PLXDC1: variants seen among roughly 807,000 people sequenced by gnomAD.
PLXDC1 encodes the protein plexin domain-containing protein 1.
PLXDC1 carries 39 observed loss-of-function variants against 61.3 expected under a neutral mutation model. The observed-to-expected ratio is 0.64, with a 90% CI of 0.49 to 0.83. The LOEUF is 0.83. PLXDC1 is among the 40% of genes least tolerant of loss of function. PLXDC1 has a pLI of 0.00. For synonymous variants in PLXDC1, 212 were observed against 254.5 expected (o/e 0.83, Z 1.59); for missense variants, 596 against 666.5 (o/e 0.89, Z 1.17).
intron 4 of PLXDC1, 64 bp from the exon 5 acceptor site, chr17:39,108,309 T>C: frequency 1.3e-6 from 2 of 1,570,028 alleles, no homozygotes; most frequent in Non-Finnish European, 1.7e-6. Context: ...TTGGGGGCCT[T>C]TTCCCCAAGG....
rs3025179 is a variant in PLXDC1 at position 39,139,936 on chromosome 17, T to C, written c.77-104A>G. 4.7e-3 allele frequency: 5,464 copies of C among 1,156,622 alleles called. 193 individuals carry two copies. In the African/African-American group the frequency reaches 0.075, roughly 16 times the overall value. The allele number at this position is 1,156,622 out of a possible 1,614,324, so 71.6% of individuals were successfully genotyped here. A position where few individuals can be genotyped will look rare whatever the true frequency, so the allele number is the denominator to read the frequency against. On this transcript the variant is annotated intron_variant, in intron 1 of 13. Transcript: ENST00000315392. ...CAAGGGCCCCAACACCATGCCACTG[T>C]AGAATTTGCAGACACTTGACTGACT...
chr17:39,104,742 C>T lies in PLXDC1; in HGVS notation c.811+1112G>A, dbSNP rs568315376. 2.0e-5 allele frequency among the ~76,000 whole-genome samples: 3 copies of T among 152,118 alleles called. No homozygotes were observed. In the South Asian group the frequency reaches 6.2e-4, roughly 32 times the overall value. The stretch of plus-strand genomic sequence containing the variant: ...GAGGCTGCAGTGGGTAGAAATTGCA[C>T]TACTGCATTCATCCTGAATGACAGA... On this transcript the variant is annotated intron_variant, in intron 7 of 13. Transcript: ENST00000315392.
intron 2 of PLXDC1, among the ~76,000 whole-genome samples, chr17:39,126,728 A>C (rs1293595416): frequency 6.6e-6 from 1 of 152,194 alleles, no homozygotes; most frequent in African/African-American, 2.4e-5. Flanking sequence ...ACTCTAGTGA[A>C]CCTAAAGTGC....
At chr17:39,129,766 AG>A (rs1567770457) in intron 2 of PLXDC1, among the ~76,000 whole-genome samples, 2 of 138,430 alleles carry the variant, frequency 1.4e-5, no homozygotes, top group Admixed American at 7.2e-5. Flanking sequence ...AAAGAAAGAA[AG>A]AGAGAAAGAA....
intron 2 of PLXDC1, among the ~76,000 whole-genome samples, chr17:39,135,428 G>A (rs1400660037): frequency 6.6e-6 from 1 of 152,198 alleles, no homozygotes; most frequent in Non-Finnish European, 1.5e-5. Context: ...TGTAATCCCA[G>A]CACTTTGGGA....
intron 2 of PLXDC1, among the ~76,000 whole-genome samples, chr17:39,127,943 CAA>C (rs35444362): frequency 0.29 from 14,908 of 50,902 alleles, 124 homozygotes; most frequent in East Asian, 0.36. Context: ...CTCCATCTCA[CAA>C]AAAAAAAAAA....
intron 2 of PLXDC1, among the ~76,000 whole-genome samples, chr17:39,120,254 C>T (rs12941797): frequency 0.19 from 29,492 of 152,056 alleles, 2,960 homozygotes; most frequent in Middle Eastern, 0.32. Flanking sequence ...CAGGTTCAAG[C>T]GACTCTCCTG....
At chr17:39,152,674 G>A (rs2045381864), upstream of PLXDC1, 4 of 1,235,382 alleles carry the variant, frequency 3.2e-6, no homozygotes, top group Non-Finnish European at 3.0e-6. Flanking sequence ...CGAACGCTGA[G>A]CGCCATTGGA....
chr17:39,104,873 G>T (rs1322162603), intron 7 of PLXDC1, among the ~76,000 whole-genome samples: 4 of 152,196 alleles, frequency 2.6e-5, no homozygotes, highest in African/African-American at 9.7e-5. Context: ...GAACATAGTG[G>T]CCCAGTGTGT....
At chr17:39,079,640 A>G in intron 9 of PLXDC1, 1 of 440,306 alleles carries the variant, frequency 2.3e-6, no homozygotes, top group Non-Finnish European at 4.6e-6. Flanking sequence ...AGAGGCTGGG[A>G]GACAACTGGC....
At chr17:39,089,172 C>T (rs1014753515) in intron 7 of PLXDC1, among the ~76,000 whole-genome samples, 1 of 152,158 alleles carries the variant, frequency 6.6e-6, no homozygotes, top group African/African-American at 2.4e-5. Context: ...GCAGCATTCC[C>T]CTTGGGGTAC....
At chr17:39,150,965 A>G (rs1047625023) in intron 1 of PLXDC1, among the ~76,000 whole-genome samples, 5 of 152,128 alleles carry the variant, frequency 3.3e-5, no homozygotes, top group African/African-American at 1.2e-4. Flanking sequence ...AGAGAAGAGG[A>G]AAAGAAGGCA....
At chr17:39,105,788 G>T in intron 7 of PLXDC1, 66 bp downstream of exon 7, 1 of 982,292 alleles carries the variant, frequency 1.0e-6, no homozygotes, top group Non-Finnish European at 1.6e-6. Flanking sequence ...CCCCCCAGCA[G>T]CTCAGGTTCA....
At chr17:39,140,783 G>T (rs190348391) in intron 1 of PLXDC1, among the ~76,000 whole-genome samples, 2 of 152,270 alleles carry the variant, frequency 1.3e-5, no homozygotes, top group Non-Finnish European at 1.5e-5. Context: ...AGTTCTTTTC[G>T]TTCAGGGCTT....
At chr17:39,130,685 C>A (rs533887106) in intron 2 of PLXDC1, among the ~76,000 whole-genome samples, 1 of 152,146 alleles carries the variant, frequency 6.6e-6, no homozygotes, top group South Asian at 2.1e-4. Context: ...GCCTCAGCCT[C>A]CCAAGCAGCT....
intron 7 of PLXDC1, among the ~76,000 whole-genome samples, chr17:39,101,345 G>A (rs566153896): frequency 7.9e-5 from 12 of 152,280 alleles, no homozygotes; most frequent in South Asian, 4.1e-4. Context: ...CACCCTGCCC[G>A]GCTTTATATC....
In PLXDC1 at chr17:39,147,255, C is replaced by G. The variant is rs78194828; in HGVS notation, c.76+4107G>C. Among the ~76,000 whole-genome samples the G allele has an allele frequency of 1.6e-3, 237 of 152,296 alleles. 1 individual carries two copies. In the East Asian group the frequency reaches 0.027, roughly 17 times the overall value. ...ACAGGCGCGGGCCACCGCGCCCAGC[C>G]GAGGAACTGATTTAACATGAGAATG... On this transcript the variant is annotated intron_variant, in intron 1 of 13. Transcript: ENST00000315392.
chr17:39,124,552 C>T (rs1453014630), intron 2 of PLXDC1, among the ~76,000 whole-genome samples: 1 of 152,072 alleles, frequency 6.6e-6, no homozygotes, highest in African/African-American at 2.4e-5. Flanking sequence ...ATGTTCACGC[C>T]ACTGTGTTCC....
At chr17:39,145,251 T>C (rs1398756857) in intron 1 of PLXDC1, among the ~76,000 whole-genome samples, 2 of 152,178 alleles carry the variant, frequency 1.3e-5, no homozygotes, top group African/African-American at 4.8e-5. Context: ...CCTGGGAGAC[T>C]GTGTCCCCCA....
Sources: gnomAD v4.1 joint callset for allele counts (sites outside exome capture counted in the v4.1 genomes callset) on GRCh38, gnomAD v4.1.1 for gene constraint, MANE v1.5 for transcripts, NCBI Gene and HGNC (gene_info 2026-07-23, HGNC 2026-07-21) for gene names.